The following TSPOAP1 variants were observed in gnomAD, a reference collection of about 807,000 sequenced individuals.
The protein encoded by TSPOAP1 is peripheral-type benzodiazepine receptor-associated protein 1.
A neutral mutation model predicts 197.0 loss-of-function variants in TSPOAP1; 87 were observed. The observed-to-expected ratio is 0.44, with a 90% CI of 0.37 to 0.53. TSPOAP1 has a LOEUF of 0.53. TSPOAP1 is among the 20% of genes least tolerant of loss of function. The probability of loss-of-function intolerance (pLI) is 0.00; values close to 1 mark genes in which losing one functional copy is unlikely to be tolerated. For missense variants in TSPOAP1, 2,174 were observed against 2,411.3 expected, an observed-to-expected ratio of 0.90 and a Z score of 2.06; for synonymous variants, 913 against 998.9, an observed-to-expected ratio of 0.91 and a Z score of 1.62.
At chr17:58,312,820 G>A (rs1337554423) in intron 16 of TSPOAP1, 98 bp from the exon 17 acceptor site, 1 of 837,602 alleles carries the variant, frequency 1.2e-6, no homozygotes, top group Non-Finnish European at 1.8e-6. Context: ...CTGCTAGTGG[G>A]TGATCTTCAG....
rs1971681047 is a variant in TSPOAP1, at chr17:58,327,570, C to A, written c.333+18G>T. On this transcript the variant is annotated intron_variant, in intron 1 of 31. Transcript: ENST00000343736. ...AGACCCCCACCTTGCAGACCCCAGCCCTCCACAGATCCCTTACCTTCAGGA... is the reference window on the plus strand; with the variant it reads ...AGACCCCCACCTTGCAGACCCCAGCACTCCACAGATCCCTTACCTTCAGGA... 2 of 1,604,896 alleles carry A rather than the reference C, an allele frequency of 1.2e-6. No individual in the cohort carries two copies. The highest frequency in any genetic ancestry group is 1.7e-6 in the Non-Finnish European group (2 of 1,174,100).
Position 58,305,536 on chromosome 17 carries a change from T to G in TSPOAP1, c.5361+4A>C. The G allele has an allele frequency of 1.2e-6, 2 of 1,608,764 alleles. No individual in the cohort carries two copies. ...TTTGCTGGGCTCTATCTGAGGGTCC[T>G]CACCTCCACGTCCATATTGGGGGAA... On this transcript the variant is annotated splice_donor_region_variant and intron_variant, in intron 28 of 31. Transcript: ENST00000343736.
At chr17:58,318,640 G>A (rs1249646316) in intron 13 of TSPOAP1, among the ~76,000 whole-genome samples, 188 bp from the exon 14 acceptor site, 2 of 152,268 alleles carry the variant, frequency 1.3e-5, no homozygotes, top group African/African-American at 4.8e-5. Context: ...TCACATGATC[G>A]TCAAAACAGC....
chr17:58,304,166 G>A lies in TSPOAP1; in HGVS notation c.*32+172C>T, dbSNP rs1455254052. 2 of 587,002 alleles carry A rather than the reference G, an allele frequency of 3.4e-6. No individual in the cohort carries two copies. The highest frequency in any genetic ancestry group is 2.8e-5 in the East Asian group (1 of 35,226). 36.4% of individuals were successfully genotyped at this position (587,002 alleles called of 1,614,324 possible). On this transcript the variant is annotated intron_variant, in intron 31 of 31. Coordinates refer to ENST00000343736, the MANE Select transcript of TSPOAP1 (RefSeq NM_004758.4). This position sits in a 1 kb window ranked among gnomAD's most constrained non-coding sequence, Gnocchi z 4.2. ...AAAGGCAAGGCAAGGGGAGCAGGGA[G>A]GGGGAGGGATGACTCTTCATGCAAA...
Position 58,326,472 on chromosome 17 carries a change from C to G in TSPOAP1, c.442-51G>C. 6.2e-7 allele frequency: 1 copy of G among 1,602,210 alleles called. No homozygotes were observed. Among genetic ancestry groups the G allele is most frequent in the East Asian group, 2.2e-5 (1 of 44,788 alleles). ...GGCATGTAGGGAGCACCCCACAGAC[C>G]CAGTCCTAACAGCCCAAGTCTTGGG... is the stretch of plus-strand genomic sequence containing the variant. On this transcript the variant is annotated intron_variant, in intron 2 of 31. Coordinates refer to ENST00000343736, the MANE Select transcript of TSPOAP1 (RefSeq NM_004758.4). The surrounding 1 kb of genome is among the most constrained non-coding windows in gnomAD (Gnocchi z 4.7).
chr17:58,316,242 T>C (rs1360273928), intron 15 of TSPOAP1, 110 bp from the exon 16 acceptor site: 1 of 1,134,674 alleles, frequency 8.8e-7, no homozygotes, highest in Non-Finnish European at 1.3e-6. Context: ...TGGTTGTGGT[T>C]GTCCACCACC....
chr17:58,308,487 G>A, intron 22 of TSPOAP1, 54 bp downstream of exon 22: 1 of 1,486,124 alleles, frequency 6.7e-7, no homozygotes, highest in Non-Finnish European at 8.9e-7. Context: ...CAGCAAGCAG[G>A]GCCACCAGGT....
chr17:58,307,042 C>T, intron 24 of TSPOAP1, 74 bp from the exon 25 acceptor site: 2 of 1,475,210 alleles, frequency 1.4e-6, no homozygotes, highest in Middle Eastern at 1.8e-4. Context: ...CCCAGCAACA[C>T]CCCACTTGGA....
At position 58,324,451 on chromosome 17, in the gene TSPOAP1, A is replaced by G. The variant is rs1464447349; in HGVS notation, c.942+360T>C. ...GCGCTGACGGGGGCGTCCCCGCTCT[A>G]CGGCGGCGGCGGGAGGAGGCGGCGC... is the stretch of plus-strand genomic sequence containing the variant. On this transcript the variant is annotated intron_variant, in intron 5 of 31. Coordinates refer to ENST00000343736, the MANE Select transcript of TSPOAP1 (RefSeq NM_004758.4). This position sits in a 1 kb window ranked among gnomAD's most constrained non-coding sequence, Gnocchi z 5.8. Among the ~76,000 whole-genome samples, 1 of 151,770 alleles carries G rather than the reference A, an allele frequency of 6.6e-6. No homozygotes were observed. The highest frequency in any genetic ancestry group is 2.4e-5 in the African/African-American group (1 of 41,360).
chr17:58,309,961 C>A lies in TSPOAP1; in HGVS notation c.3891+6G>T. 6.2e-7 allele frequency: 1 copy of A among 1,606,616 alleles called. No homozygotes were observed. On this transcript the variant is annotated splice_donor_region_variant and intron_variant, in intron 21 of 31. Coordinates refer to ENST00000343736, the MANE Select transcript of TSPOAP1 (RefSeq NM_004758.4). This position sits in a 1 kb window ranked among gnomAD's most constrained non-coding sequence, Gnocchi z 5.0. ...GGGGCCCAACAGCCCATCCCTACCCCGTTACCTTGGCCCCATTCTCCCTGA... is the reference window on the plus strand; with the variant it reads ...GGGGCCCAACAGCCCATCCCTACCCAGTTACCTTGGCCCCATTCTCCCTGA...
Position 58,322,043 on chromosome 17 carries a change from C to G in TSPOAP1, c.1422+265G>C, listed in dbSNP as rs375259366. 134 of 459,224 alleles carry G rather than the reference C, an allele frequency of 2.9e-4. No individual in the cohort carries two copies. Among genetic ancestry groups the G allele is most frequent in the African/African-American group, 2.4e-3 (121 of 50,266 alleles). The allele number at this position is 459,224 out of a possible 1,614,324, so 28.4% of individuals were successfully genotyped here. ...TTGTCACCTCCTCAGGGAGGCCTTC[C>G]CTGATGACCTCTAAAGTGGCTCCTC... On this transcript the variant is annotated intron_variant, in intron 10 of 31. Coordinates refer to ENST00000343736, the MANE Select transcript of TSPOAP1 (RefSeq NM_004758.4). This position sits in a 1 kb window ranked among gnomAD's most constrained non-coding sequence, Gnocchi z 5.0.
chr17:58,319,218 G>A lies in TSPOAP1; in HGVS notation c.1571C>T (p.Ala524Val). 3.1e-6 allele frequency: 5 copies of A among 1,598,014 alleles called. No homozygotes were observed. Among genetic ancestry groups the A allele is most frequent in the Non-Finnish European group, 4.3e-6 (5 of 1,172,450 alleles). The change falls in exon 13 of 32, where the codon GCT becomes GTT. Residue 524 changes from alanine to valine, a missense_variant. By Grantham distance (64) the Ala-to-Val change is moderately conservative. This residue lies in a region of TSPOAP1 where 1,933 missense variants were observed against 2,139.0 expected (regional missense o/e 0.90). Coordinates refer to ENST00000343736, the MANE Select transcript of TSPOAP1 (RefSeq NM_004758.4). The stretch of plus-strand genomic sequence containing the variant: ...CAAGGGGCCCGGGTGCAGGCGGAAA[G>A]CCTGGAGTTCCTGTGCCAGGAGGCT... ...QFSLLAQELQ[A>V]FRLHPGPLDL...
chr17:58,308,323 G>A (rs564124116), intron 22 of TSPOAP1, among the ~76,000 whole-genome samples: 2 of 152,368 alleles, frequency 1.3e-5, no homozygotes, highest in South Asian at 4.1e-4. Context: ...CGCAACAGGC[G>A]ACTAGTGATA....
At chr17:58,311,472 G>A (rs1036249488) in intron 18 of TSPOAP1, 99 bp downstream of exon 18, 40 of 1,476,158 alleles carry the variant, frequency 2.7e-5, no homozygotes, top group African/African-American at 5.7e-5. Flanking sequence ...CAAATGCCAG[G>A]GGCTGGGCAT....
In TSPOAP1 at chr17:58,307,998, G is replaced by A. The variant is rs148297797; in HGVS notation, c.4732-57C>T. ...AACACACCATCCCTCTGGTGGGCTC[G>A]TGCTCCCCCAGCTCTGCCCCATCAG... On this transcript the variant is annotated intron_variant, in intron 22 of 31. Coordinates refer to ENST00000343736, the MANE Select transcript of TSPOAP1 (RefSeq NM_004758.4). 1.6e-3 allele frequency: 2,315 copies of A among 1,491,452 alleles called. 8 individuals are homozygous for A. The highest frequency in any genetic ancestry group is 1.8e-3 in the Non-Finnish European group (1,975 of 1,099,844). The allele number at this position is 1,491,452 out of a possible 1,614,324, so 92.4% of individuals were successfully genotyped here. A position where few individuals can be genotyped will look rare whatever the true frequency, so the allele number is the denominator to read the frequency against.
chr17:58,320,029 G>T (rs570325752), intron 12 of TSPOAP1, 80 bp downstream of exon 12: 1 of 1,562,794 alleles, frequency 6.4e-7, no homozygotes, highest in Admixed American at 1.7e-5. Flanking sequence ...ATGAGAGAGG[G>T]GGACTGCCTG....
Position 58,304,248 on chromosome 17 carries a change from G to T in TSPOAP1, c.*32+90C>A. On this transcript the variant is annotated intron_variant, in intron 31 of 31. Transcript: ENST00000343736. This position sits in a 1 kb window ranked among gnomAD's most constrained non-coding sequence, Gnocchi z 4.2. The stretch of plus-strand genomic sequence containing the variant: ...CCCTGGACTACAGTGGGAAAGCTGG[G>T]TCAGCTCCAGTATTTGAGACAAAGG... 1 of 1,169,798 alleles carries T rather than the reference G, an allele frequency of 8.5e-7. No homozygotes were observed. Among genetic ancestry groups the T allele is most frequent in the Non-Finnish European group, 1.3e-6 (1 of 799,138 alleles). 72.5% of individuals were successfully genotyped at this position (1,169,798 alleles called of 1,614,324 possible). A position where few individuals can be genotyped will look rare whatever the true frequency, so the allele number is the denominator to read the frequency against.
rs1353917994 is a variant in TSPOAP1, at chr17:58,316,469, G to T, written c.1944C>A (p.Gly648=). The T allele has an allele frequency of 3.1e-6, 5 of 1,613,678 alleles. No homozygotes were observed. In the Admixed American group the frequency reaches 8.3e-5, roughly 27 times the overall value. The change falls in exon 15 of 32, where the codon GGC becomes GGA. Residue 648 remains glycine (G), a synonymous_variant. Coordinates refer to ENST00000343736, the MANE Select transcript of TSPOAP1 (RefSeq NM_004758.4). ...SVSLLPAAPE[G]SRGGARIQVF... The stretch of plus-strand genomic sequence containing the variant: ...CCTGGATCCTGGCTCCTCCCCGGCT[G>T]CCCTCTGGCGCAGCTGGGAGCAGGG...
rs535947078 is a variant in TSPOAP1 at position 58,307,596 on chromosome 17, T to A, written c.4983+15A>T. The A allele has an allele frequency of 5.6e-6, 9 of 1,612,170 alleles. No homozygotes were observed. The highest frequency in any genetic ancestry group is 4.0e-5 in the African/African-American group (3 of 74,904). On this transcript the variant is annotated intron_variant, in intron 24 of 31. Transcript: ENST00000343736. ...TGGTGTTTGGAATTCTGAGCCCTGA[T>A]GGCGAATCAGTCACCTTCAGGATCT...
Sources: allele counts gnomAD v4.1 joint callset (sites outside exome capture counted in the v4.1 genomes callset), GRCh38; gene constraint gnomAD v4.1.1; regional missense constraint gnomAD v4.1.1; non-coding constraint Gnocchi (gnomAD v3.1); transcripts MANE v1.5; gene names NCBI Gene and HGNC (gene_info 2026-07-23, HGNC 2026-07-21).